The following CACNA1C variants were observed in gnomAD, a reference collection of about 807,000 sequenced individuals.
CACNA1C encodes voltage-dependent L-type calcium channel subunit alpha-1C.
Under a neutral mutation model 229.0 loss-of-function variants are expected in CACNA1C, and 30 were observed. The observed-to-expected ratio is 0.13, with a 90% CI of 0.10 to 0.18. CACNA1C has a LOEUF of 0.18. CACNA1C is among the 10% of genes least tolerant of loss of function. The probability of loss-of-function intolerance (pLI) is 1.00; values close to 1 mark genes in which losing one functional copy is unlikely to be tolerated. For missense variants in CACNA1C, 1,658 were observed against 2,845.0 expected (o/e 0.58, Z 9.49); for synonymous variants, 1,114 against 1,132.5 (o/e 0.98, Z 0.33).
At chr12:2,588,910 C>G (rs997833968) in intron 18 of CACNA1C, among the ~76,000 whole-genome samples, 3 of 152,080 alleles carry the variant, frequency 2.0e-5, no homozygotes, top group African/African-American at 7.2e-5. Flanking sequence ...TAGTCAGCAC[C>G]GCCTGTGCTG....
chr12:2,352,094 T>C (rs556448167), intron 3 of CACNA1C, among the ~76,000 whole-genome samples: 1 of 152,320 alleles, frequency 6.6e-6, no homozygotes, highest in Non-Finnish European at 1.5e-5. Context: ...AAAAATTCCC[T>C]TTCTCTGTTT....
rs199562776 is a variant in CACNA1C, at chr12:2,697,166, CATA to C, written c.*5968_*5970del. ...GCCACCTATGCATCCAGCTGCAGCCCATACCCACACCTGAAATCCATCTCTTGA... is the reference window on the plus strand; with the variant it reads ...GCCACCTATGCATCCAGCTGCAGCCCCCCACACCTGAAATCCATCTCTTGA... On this transcript the variant is annotated 3_prime_UTR_variant, in exon 47 of 47. Transcript: ENST00000399655. 1,719 of 153,130 alleles carry C rather than the reference CATA, an allele frequency of 0.011. 30 individuals are homozygous for C. The highest frequency in any genetic ancestry group is 0.039 in the African/African-American group (1,611 of 41,568). The allele number at this position is 153,130 out of a possible 1,614,324, so 9.5% of individuals were successfully genotyped here.
At chr12:2,565,243 T>A (rs896163481) in intron 11 of CACNA1C, among the ~76,000 whole-genome samples, 1 of 146,772 alleles carries the variant, frequency 6.8e-6, no homozygotes, top group Non-Finnish European at 1.5e-5. Context: ...CCGAGGCGGG[T>A]GGATCATGAG....
At chr12:2,082,723 G>A (rs184666070) in intron 1 of CACNA1C, among the ~76,000 whole-genome samples, 151 of 152,298 alleles carry the variant, frequency 9.9e-4, no homozygotes, top group African/African-American at 3.4e-3. Flanking sequence ...GCCTGGGGTT[G>A]CTAAGCTACA....
At chr12:2,349,544 C>T (rs759250735) in intron 3 of CACNA1C, among the ~76,000 whole-genome samples, 2 of 152,152 alleles carry the variant, frequency 1.3e-5, no homozygotes, top group Non-Finnish European at 2.9e-5. Flanking sequence ...AGAGCTCCCA[C>T]GTCTGCCCCC....
At chr12:2,537,949 A>G (rs907640438) in intron 9 of CACNA1C, among the ~76,000 whole-genome samples, 1 of 152,054 alleles carries the variant, frequency 6.6e-6, no homozygotes, top group South Asian at 2.1e-4. Flanking sequence ...GTGCAGCTAA[A>G]CTTACTGCCC....
intron 3 of CACNA1C, among the ~76,000 whole-genome samples, chr12:2,187,783 T>A (rs1161292435): frequency 6.6e-6 from 1 of 152,238 alleles, no homozygotes; most frequent in Non-Finnish European, 1.5e-5. Flanking sequence ...AAAGCCGACT[T>A]TGCTCGGTGA....
At chr12:2,096,195 A>G (rs2073883278) in intron 1 of CACNA1C, among the ~76,000 whole-genome samples, 1 of 152,188 alleles carries the variant, frequency 6.6e-6, no homozygotes, top group Non-Finnish European at 1.5e-5. Flanking sequence ...CGCTTGAGAA[A>G]ACTGTTGATA....
chr12:2,511,635 G>A (rs985930411), intron 8 of CACNA1C, among the ~76,000 whole-genome samples: 2 of 151,960 alleles, frequency 1.3e-5, no homozygotes, highest in African/African-American at 4.8e-5. Context: ...ATTCCCCAAA[G>A]ACTGCATATC....
At chr12:2,206,128 C>T (rs1221552035) in intron 3 of CACNA1C, among the ~76,000 whole-genome samples, 1 of 152,110 alleles carries the variant, frequency 6.6e-6, no homozygotes, top group African/African-American at 2.4e-5. Context: ...GCTGGACAGA[C>T]CTGGGATGGC....
At chr12:2,327,433 G>A (rs998571764) in intron 3 of CACNA1C, among the ~76,000 whole-genome samples, 18 of 152,200 alleles carry the variant, frequency 1.2e-4, no homozygotes, top group Admixed American at 2.0e-4. Context: ...AAAGAAAATG[G>A]GGTTCATTGG....
At chr12:2,025,412 G>A (rs560980847) in intron 1 of CACNA1C, among the ~76,000 whole-genome samples, 3 of 152,226 alleles carry the variant, frequency 2.0e-5, no homozygotes, top group Non-Finnish European at 4.4e-5. Context: ...GACTCTAGAG[G>A]TGAATGTGGT....
At chr12:2,667,586 G>A (rs1324867989) in intron 37 of CACNA1C, among the ~76,000 whole-genome samples, 1 of 152,198 alleles carries the variant, frequency 6.6e-6, no homozygotes, top group Non-Finnish European at 1.5e-5. Flanking sequence ...CAAGGGCATA[G>A]AAAATATCAG....
intron 5 of CACNA1C, among the ~76,000 whole-genome samples, chr12:2,470,123 A>C (rs888559626): frequency 6.6e-6 from 1 of 152,192 alleles, no homozygotes; most frequent in Non-Finnish European, 1.5e-5. Flanking sequence ...TTCAGCTCCC[A>C]ATATAGTAAG....
At chr12:2,200,343 G>A (rs56271916) in intron 3 of CACNA1C, among the ~76,000 whole-genome samples, 2 of 152,286 alleles carry the variant, frequency 1.3e-5, no homozygotes, top group Middle Eastern at 6.8e-3. Context: ...TAGAGCAGTG[G>A]CTCTAACCTA....
intron 19 of CACNA1C, 63 bp downstream of exon 19, chr12:2,593,408 T>A (rs774136653): frequency 3.2e-5 from 50 of 1,574,712 alleles, no homozygotes; most frequent in Non-Finnish European, 4.2e-5. Flanking sequence ...GGCAGTTGCC[T>A]GTATTTTACC....
chr12:2,475,954 T>TA (rs1198853262), intron 5 of CACNA1C, among the ~76,000 whole-genome samples: 1 of 152,228 alleles, frequency 6.6e-6, no homozygotes, highest in Non-Finnish European at 1.5e-5. Context: ...TCATACATTG[T>TA]AACATCCCCC....
chr12:2,566,346 AT>A lies in CACNA1C; in HGVS notation c.1509-75del. On this transcript the variant is annotated intron_variant, in intron 11 of 46. Coordinates refer to ENST00000399655, the MANE Select transcript of CACNA1C (RefSeq NM_000719.7). This position sits in a 1 kb window ranked among gnomAD's most constrained non-coding sequence, Gnocchi z 4.0. Reference sequence around the variant, plus strand: ...AGATCAGTGAGGGGCGAGAAGAGCCATGGTGCTGCATCTTGGGTTGGAGGAA... The same window carrying A: ...AGATCAGTGAGGGGCGAGAAGAGCCAGGTGCTGCATCTTGGGTTGGAGGAA... The A allele has an allele frequency of 7.5e-7, 1 of 1,328,760 alleles. No homozygotes were observed. 82.3% of individuals were successfully genotyped at this position (1,328,760 alleles called of 1,614,324 possible). A position where few individuals can be genotyped will look rare whatever the true frequency, so the allele number is the denominator to read the frequency against.
chr12:2,118,771 G>T (rs548269212), intron 2 of CACNA1C, among the ~76,000 whole-genome samples: 1 of 152,312 alleles, frequency 6.6e-6, no homozygotes, highest in Non-Finnish European at 1.5e-5. Flanking sequence ...GAATGTAAAA[G>T]CTTAGTCCGT....
Sources: allele counts gnomAD v4.1 joint callset (sites outside exome capture counted in the v4.1 genomes callset), GRCh38; gene constraint gnomAD v4.1.1; non-coding constraint Gnocchi (gnomAD v3.1); transcripts MANE v1.5; gene names NCBI Gene and HGNC (gene_info 2026-07-23, HGNC 2026-07-21).